Variants in FHOD3 observed in about 807,000 individuals in gnomAD.
FHOD3 encodes the protein formin homology 2 domain containing 3.
FHOD3 carries 90 observed loss-of-function variants against 173.0 expected under a neutral mutation model. The ratio of observed to expected loss-of-function variants is 0.52; its 90% CI spans 0.44 to 0.62. FHOD3 has a LOEUF of 0.62. Among genes scored for constraint, FHOD3 ranks in the 20% least tolerant of loss-of-function variants. The pLI is 0.00. For missense variants in FHOD3, 1,945 were observed against 2,034.7 expected, an observed-to-expected ratio of 0.96 and a Z score of 0.85; for synonymous variants, 828 against 823.0, an observed-to-expected ratio of 1.01 and a Z score of -0.10.
At chr18:36,461,984 T>C (rs1350204043) in intron 3 of FHOD3, among the ~76,000 whole-genome samples, 3 of 152,230 alleles carry the variant, frequency 2.0e-5, no homozygotes, top group Admixed American at 6.5e-5. Flanking sequence ...TGAAGATAAC[T>C]TTCAGGTCTA....
chr18:36,597,871 A>G (rs961218105), intron 7 of FHOD3, among the ~76,000 whole-genome samples: 1 of 151,820 alleles, frequency 6.6e-6, no homozygotes, highest in Non-Finnish European at 1.5e-5. Context: ...TGTGTGGCTC[A>G]ATAGCATGTT....
intron 2 of FHOD3, among the ~76,000 whole-genome samples, chr18:36,357,294 C>T (rs567933011): frequency 2.0e-4 from 31 of 152,310 alleles, no homozygotes; most frequent in East Asian, 1.2e-3. Context: ...CTCTTCTCTG[C>T]GGCTAACACT....
chr18:36,430,129 T>C (rs1410039626), intron 3 of FHOD3, among the ~76,000 whole-genome samples: 1 of 152,236 alleles, frequency 6.6e-6, no homozygotes, highest in Non-Finnish European at 1.5e-5. Context: ...TAGGACTATG[T>C]CAGCCCCTTG....
At chr18:36,743,539 A>C (rs1041108755) in intron 22 of FHOD3, among the ~76,000 whole-genome samples, 1 of 152,156 alleles carries the variant, frequency 6.6e-6, no homozygotes, top group African/African-American at 2.4e-5. Context: ...AACTGTTTAA[A>C]AATCTTTTTT....
chr18:36,676,886 T>G (rs1448490604), intron 14 of FHOD3, among the ~76,000 whole-genome samples: 1 of 152,226 alleles, frequency 6.6e-6, no homozygotes, highest in African/African-American at 2.4e-5. Flanking sequence ...GGGTTCTTTT[T>G]GTACAATGTA....
intron 12 of FHOD3, 75 bp downstream of exon 12, chr18:36,653,004 G>A: frequency 6.2e-6 from 9 of 1,449,196 alleles, no homozygotes; most frequent in Non-Finnish European, 8.2e-6. Context: ...TGCACCCCTT[G>A]GCTTGGCTTC....
chr18:36,431,251 A>G (rs536763142), intron 3 of FHOD3, among the ~76,000 whole-genome samples: 13 of 152,350 alleles, frequency 8.5e-5, no homozygotes, highest in African/African-American at 2.9e-4. Flanking sequence ...ATGGCCTAAA[A>G]GCTTTATATT....
chr18:36,554,590 A>T (rs561613680), intron 5 of FHOD3, among the ~76,000 whole-genome samples: 7 of 152,332 alleles, frequency 4.6e-5, no homozygotes, highest in African/African-American at 1.2e-4. Context: ...CTATGTAACA[A>T]ACCTGCACGT....
At chr18:36,344,937 G>A (rs1361412865) in intron 1 of FHOD3, among the ~76,000 whole-genome samples, 2 of 152,144 alleles carry the variant, frequency 1.3e-5, no homozygotes, top group East Asian at 3.9e-4. Context: ...AGAGAAGGAG[G>A]AAATCTCATA....
In FHOD3 at chr18:36,652,608, G is replaced by A. The variant is rs1446117797; in HGVS notation, c.1325G>A (p.Arg442Lys). 1 of 1,534,900 alleles carries A rather than the reference G, an allele frequency of 6.5e-7. No individual in the cohort carries two copies. Among genetic ancestry groups the A allele is most frequent in the East Asian group, 2.4e-5 (1 of 40,892 alleles). The change falls in exon 12 of 29, where the codon AGG becomes AAG. Residue 442 changes from arginine (R) to lysine (K), a missense_variant. Arg to Lys is a conservative substitution (Grantham distance 26, BLOSUM62 2). Transcript: ENST00000590592. The part of the protein sequence containing the change: ...GAASGQSPTG[R>K]DAAPKSSALP... The stretch of plus-strand genomic sequence containing the variant: ...GCCTCAGGGCAGAGCCCCACTGGAA[G>A]GGATGCTGCTCCCAAGAGCTCTGCC...
chr18:36,586,425 G>A (rs1213442696), intron 6 of FHOD3, among the ~76,000 whole-genome samples: 4 of 152,018 alleles, frequency 2.6e-5, no homozygotes, highest in South Asian at 2.1e-4. Flanking sequence ...ATGCTCCTTC[G>A]GGCAATATCT....
intron 19 of FHOD3, among the ~76,000 whole-genome samples, chr18:36,720,746 T>TCC (rs1249468671): frequency 5.1e-4 from 75 of 147,056 alleles, no homozygotes; most frequent in African/African-American, 1.8e-3. Context: ...CTCCTCCTCC[T>TCC]TCTTCTCCTC....
chr18:36,403,343 G>A (rs555568165), intron 3 of FHOD3, among the ~76,000 whole-genome samples: 1 of 152,322 alleles, frequency 6.6e-6, no homozygotes, highest in African/African-American at 2.4e-5. Context: ...ATAGAATGAA[G>A]AAAACTAGTT....
chr18:36,399,255 G>T (rs186772166), intron 3 of FHOD3, among the ~76,000 whole-genome samples: 2 of 152,106 alleles, frequency 1.3e-5, no homozygotes, highest in African/African-American at 4.8e-5. Flanking sequence ...TGTCCTGTTC[G>T]TTTGTCCCAA....
At chr18:36,348,398 G>GAGGT (rs2045965159) in intron 1 of FHOD3, among the ~76,000 whole-genome samples, 1 of 152,206 alleles carries the variant, frequency 6.6e-6, no homozygotes, top group Non-Finnish European at 1.5e-5. Context: ...GCCCTGGAGA[G>GAGGT]AGGTAGGGTC....
intron 10 of FHOD3, among the ~76,000 whole-genome samples, chr18:36,634,642 C>T (rs114544535): frequency 0.026 from 3,894 of 152,026 alleles, 177 homozygotes; most frequent in African/African-American, 0.09. Flanking sequence ...GAAGGCTGGC[C>T]GTGTGCAGTG....
At chr18:36,361,772 C>G (rs1034560098) in intron 2 of FHOD3, among the ~76,000 whole-genome samples, 2 of 151,858 alleles carry the variant, frequency 1.3e-5, no homozygotes, top group South Asian at 2.1e-4. Flanking sequence ...GGCTCTCAGT[C>G]TTGGAGAATA....
intron 5 of FHOD3, among the ~76,000 whole-genome samples, chr18:36,536,155 A>G (rs1481075920): frequency 6.6e-6 from 1 of 152,248 alleles, no homozygotes; most frequent in Non-Finnish European, 1.5e-5. Flanking sequence ...AAAACAAGTT[A>G]TGAATCAGAT....
intron 4 of FHOD3, among the ~76,000 whole-genome samples, chr18:36,508,254 T>C (rs1379087074): frequency 6.6e-6 from 1 of 150,718 alleles, no homozygotes; most frequent in Non-Finnish European, 1.5e-5. Flanking sequence ...ATGTATATTA[T>C]CTTAAGCAAA....
Sources: gnomAD v4.1 joint callset for allele counts (sites outside exome capture counted in the v4.1 genomes callset) on GRCh38, gnomAD v4.1.1 for gene constraint, MANE v1.5 for transcripts, NCBI Gene and HGNC (gene_info 2026-07-23, HGNC 2026-07-21) for gene names.